Variants in TSC22D1 observed in about 807,000 individuals in gnomAD.
TSC22D1 encodes TSC22 domain family protein 1.
TSC22D1 carries 9 observed loss-of-function variants against 74.2 expected under a neutral mutation model. The observed-to-expected ratio is 0.12, with a 90% CI of 0.07 to 0.21. TSC22D1 has a LOEUF of 0.21. TSC22D1 is among the 10% of genes least tolerant of loss of function. The pLI is 1.00. For synonymous variants in TSC22D1, 586 were observed against 492.5 expected (o/e 1.19, Z -2.51); for missense variants, 1,427 against 1,304.7 (o/e 1.09, Z -1.44).
In TSC22D1 at chr13:44,574,285, A is replaced by G. The variant is rs1455030478; in HGVS notation, c.1790T>C (p.Ile597Thr). 1.2e-6 allele frequency: 2 copies of G among 1,614,222 alleles called. No homozygotes were observed. Among genetic ancestry groups the G allele is most frequent in the Non-Finnish European group, 1.7e-6 (2 of 1,180,044 alleles). ...VTSALGQQPS[I>T]SSLAQPQLPY... is the part of the protein sequence containing the mutation. ...TAGCTGGGGTTGAGCCAAACTGGAA[A>G]TGGAAGGCTGCTGACCTAAAGCTGA... is the stretch of plus-strand genomic sequence containing the variant. The change falls in exon 1 of 3, where the codon ATT (isoleucine) becomes ACT (threonine). Residue 597 changes from isoleucine to threonine, a missense_variant. Around this residue, in one of 3 missense-constraint regions of TSC22D1, gnomAD observed 1,343 missense variants for 1,191.5 expected, o/e 1.13. Coordinates refer to ENST00000458659, the MANE Select transcript of TSC22D1 (RefSeq NM_183422.4).
At chr13:44,540,861 G>C (rs1172283537) in intron 1 of TSC22D1, among the ~76,000 whole-genome samples, 1 of 152,160 alleles carries the variant, frequency 6.6e-6, no homozygotes, top group African/African-American at 2.4e-5. Context: ...AATTTTAACA[G>C]TGTTGCCTTT....
intron 1 of TSC22D1, among the ~76,000 whole-genome samples, chr13:44,572,146 T>C (rs748516027): frequency 2.0e-5 from 3 of 152,276 alleles, no homozygotes; most frequent in Admixed American, 1.3e-4. Context: ...ACTCCTATAA[T>C]AGCATTTTAA....
chr13:44,563,069 A>G (rs1049027473), intron 1 of TSC22D1, among the ~76,000 whole-genome samples: 4 of 151,538 alleles, frequency 2.6e-5, no homozygotes, highest in African/African-American at 7.3e-5. Flanking sequence ...GCATCATTGC[A>G]CTCCAGCCTG....
intron 1 of TSC22D1, among the ~76,000 whole-genome samples, chr13:44,492,930 T>G (rs1878793586): frequency 6.6e-6 from 1 of 152,190 alleles, no homozygotes; most frequent in Non-Finnish European, 1.5e-5. Flanking sequence ...TTGTAGCTCT[T>G]GGCATCTGCT....
At chr13:44,550,406 A>C (rs927266156) in intron 1 of TSC22D1, among the ~76,000 whole-genome samples, 3 of 152,082 alleles carry the variant, frequency 2.0e-5, no homozygotes, top group African/African-American at 7.2e-5. Flanking sequence ...ACATGGTGAA[A>C]TCCCATCTCT....
At chr13:44,470,381 A>G (rs1032693733) in intron 1 of TSC22D1, among the ~76,000 whole-genome samples, 1 of 152,134 alleles carries the variant, frequency 6.6e-6, no homozygotes, top group Non-Finnish European at 1.5e-5. Flanking sequence ...CAGCTCTCCA[A>G]TTACCAGAGC....
chr13:44,574,143 A>G lies in TSC22D1; in HGVS notation c.1932T>C (p.His644=). The change falls in exon 1 of 3, where the codon CAT becomes CAC. Residue 644 remains histidine (H), a synonymous_variant. Transcript: ENST00000458659. The part of the protein sequence containing the change: ...PMVSTQMAPG[H]VKSVTQNPAS... ...CAGGATTTTGAGTCACTGATTTGAC[A>G]TGGCCTGGGGCCATCTGTGTAGAAA... 3.7e-6 allele frequency: 6 copies of G among 1,614,234 alleles called. No homozygotes were observed. The African/African-American group carries it at 6.7e-5, about 18-fold the overall frequency.
At chr13:44,444,570 A>G (rs916694770) in intron 1 of TSC22D1, among the ~76,000 whole-genome samples, 1 of 152,038 alleles carries the variant, frequency 6.6e-6, no homozygotes, top group Non-Finnish European at 1.5e-5. Context: ...AATATTATAA[A>G]GAATAAAGGT....
At chr13:44,504,601 CAAAAA>C (rs10577341) in intron 1 of TSC22D1, among the ~76,000 whole-genome samples, 5 of 97,548 alleles carry the variant, frequency 5.1e-5, no homozygotes, top group Admixed American at 1.1e-4. Flanking sequence ...GAGACTGTCT[CAAAAA>C]AAAAAAAAAA....
chr13:44,446,148 T>C (rs951129256), intron 1 of TSC22D1, among the ~76,000 whole-genome samples: 14 of 152,182 alleles, frequency 9.2e-5, no homozygotes, highest in African/African-American at 3.4e-4. Flanking sequence ...CAAACCATGG[T>C]ACATCTAGAC....
intron 1 of TSC22D1, among the ~76,000 whole-genome samples, chr13:44,464,583 T>C (rs561262040): frequency 2.0e-5 from 3 of 152,290 alleles, no homozygotes; most frequent in Admixed American, 6.5e-5. Flanking sequence ...AATGGGATAA[T>C]GATGTCAGCA....
At chr13:44,537,358 G>A (rs1413264971) in intron 1 of TSC22D1, 3 of 984,986 alleles carry the variant, frequency 3.0e-6, no homozygotes, top group African/African-American at 3.5e-5. Flanking sequence ...GTGGCATGAG[G>A]TGACTAGAAA....
intron 1 of TSC22D1, among the ~76,000 whole-genome samples, chr13:44,508,760 C>T (rs1005705388): frequency 5.9e-5 from 9 of 152,142 alleles, no homozygotes; most frequent in African/African-American, 2.2e-4. Context: ...CCCTTGCTCC[C>T]CATGCTCCAG....
intron 1 of TSC22D1, among the ~76,000 whole-genome samples, chr13:44,545,741 C>T (rs1296629973): frequency 5.9e-5 from 9 of 152,228 alleles, no homozygotes; most frequent in African/African-American, 1.2e-4. Flanking sequence ...TTCTGGGAGG[C>T]CAAGGCGGGT....
At chr13:44,508,103 G>C (rs1473341797) in intron 1 of TSC22D1, among the ~76,000 whole-genome samples, 3 of 152,192 alleles carry the variant, frequency 2.0e-5, no homozygotes, top group Non-Finnish European at 4.4e-5. Flanking sequence ...ATAAAATGGT[G>C]CTTGCAGCTA....
intron 1 of TSC22D1, chr13:44,540,071 A>T (rs891577228): frequency 3.1e-5 from 14 of 452,832 alleles, no homozygotes; most frequent in Non-Finnish European, 4.9e-5. Context: ...CTTAATTTGA[A>T]TTTTAGAAGT....
intron 1 of TSC22D1, among the ~76,000 whole-genome samples, chr13:44,501,821 G>C (rs561640953): frequency 1.2e-3 from 179 of 152,152 alleles, no homozygotes; most frequent in Non-Finnish European, 2.4e-3. Flanking sequence ...TAACACATGT[G>C]CTGTGGGCTG....
chr13:44,535,815 T>C (rs561994922), intron 1 of TSC22D1, among the ~76,000 whole-genome samples: 2 of 152,090 alleles, frequency 1.3e-5, no homozygotes, highest in African/African-American at 4.8e-5. Context: ...ACTGATGATG[T>C]AGAGGAGAGT....
intron 1 of TSC22D1, among the ~76,000 whole-genome samples, chr13:44,453,631 G>A (rs1221943647): frequency 6.6e-6 from 1 of 152,168 alleles, no homozygotes; most frequent in Non-Finnish European, 1.5e-5. Context: ...CTTTGGTACA[G>A]GGCATGACTC....
Sources: gnomAD v4.1 joint callset for allele counts (sites outside exome capture counted in the v4.1 genomes callset) on GRCh38, gnomAD v4.1.1 for gene constraint, gnomAD v4.1.1 regional missense constraint, MANE v1.5 for transcripts, NCBI Gene and HGNC (gene_info 2026-07-23, HGNC 2026-07-21) for gene names.